The following PDZD2 variants were observed in gnomAD, a reference collection of about 807,000 sequenced individuals.
The protein encoded by PDZD2 is PDZ domain-containing protein 2.
PDZD2 carries 90 observed loss-of-function variants against 220.7 expected under a neutral mutation model. The observed-to-expected ratio is 0.41, with a 90% CI of 0.34 to 0.49. The LOEUF is 0.49. Among genes scored for constraint, PDZD2 ranks in the 20% least tolerant of loss-of-function variants. The probability of loss-of-function intolerance (pLI) is 0.28; values close to 1 mark genes in which losing one functional copy is unlikely to be tolerated. For missense variants in PDZD2, 3,174 were observed against 3,608.5 expected (o/e 0.88, Z 3.08); for synonymous variants, 1,375 against 1,450.5 (o/e 0.95, Z 1.18).
chr5:31,681,750 G>T (rs186656280), intron 1 of PDZD2, among the ~76,000 whole-genome samples: 1 of 152,244 alleles, frequency 6.6e-6, no homozygotes, highest in African/African-American at 2.4e-5. Context: ...CAAGTTAAAT[G>T]AGAGTTTGAA....
At chr5:31,642,403 C>T (rs572536324) in intron 1 of PDZD2, among the ~76,000 whole-genome samples, 1 of 152,228 alleles carries the variant, frequency 6.6e-6, no homozygotes, top group East Asian at 1.9e-4. Context: ...AGACGCCCAT[C>T]CCCAGAAGGA....
chr5:31,769,026 G>A (rs1752191673), intron 1 of PDZD2, among the ~76,000 whole-genome samples: 1 of 152,222 alleles, frequency 6.6e-6, no homozygotes, highest in Admixed American at 6.5e-5. Flanking sequence ...TGAATGAACT[G>A]AACTACTTAA....
intron 6 of PDZD2, among the ~76,000 whole-genome samples, chr5:32,026,603 A>G (rs1208235899): frequency 1.3e-5 from 2 of 152,304 alleles, no homozygotes; most frequent in Admixed American, 1.3e-4. Flanking sequence ...TGTTTAAAGC[A>G]TATCATAGTC....
At chr5:32,100,695 G>C in intron 23 of PDZD2, 1 of 384,518 alleles carries the variant, frequency 2.6e-6, no homozygotes, top group African/African-American at 2.1e-5. Context: ...AGGATGATCT[G>C]CTGCTGCCAT....
intron 2 of PDZD2, among the ~76,000 whole-genome samples, chr5:31,935,201 A>C (rs1392879571): frequency 2.0e-5 from 3 of 152,224 alleles, no homozygotes; most frequent in Non-Finnish European, 4.4e-5. Flanking sequence ...GTATTGGAAT[A>C]ATAAAATGTC....
chr5:32,009,804 G>A (rs971812523), intron 5 of PDZD2, among the ~76,000 whole-genome samples: 1 of 151,794 alleles, frequency 6.6e-6, no homozygotes, highest in African/African-American at 2.4e-5. Flanking sequence ...GAAACACTGA[G>A]CTAAAGGCTG....
At chr5:32,046,131 A>G (rs1482173685) in intron 7 of PDZD2, among the ~76,000 whole-genome samples, 3 of 152,250 alleles carry the variant, frequency 2.0e-5, no homozygotes, top group Admixed American at 6.5e-5. Context: ...AGCTATATTC[A>G]TATGTAGTTG....
chr5:32,003,336 A>ACACACACACCC (rs1752492929), intron 5 of PDZD2, among the ~76,000 whole-genome samples: 3 of 11,196 alleles, frequency 2.7e-4, no homozygotes, highest in Non-Finnish European at 6.4e-4. Flanking sequence ...CACCCCCACC[A>ACACACACACCC]CACCACACAC....
At chr5:31,640,264 G>A (rs1031843651) in intron 1 of PDZD2, among the ~76,000 whole-genome samples, 2 of 152,214 alleles carry the variant, frequency 1.3e-5, no homozygotes, top group African/African-American at 2.4e-5. Flanking sequence ...CAGAGACCTT[G>A]ATAAGGGACA....
At chr5:31,910,718 C>T (rs1297414313) in intron 2 of PDZD2, among the ~76,000 whole-genome samples, 1 of 150,314 alleles carries the variant, frequency 6.7e-6, no homozygotes, top group East Asian at 2.0e-4. Flanking sequence ...TTAGTAGAGA[C>T]AGGGTTTCAC....
At chr5:32,030,628 A>T (rs1755045874) in intron 6 of PDZD2, among the ~76,000 whole-genome samples, 1 of 152,136 alleles carries the variant, frequency 6.6e-6, no homozygotes, top group Non-Finnish European at 1.5e-5. Context: ...TTTTCCTAAC[A>T]TACTAATCTA....
At chr5:31,991,810 C>T (rs1323626181) in intron 3 of PDZD2, among the ~76,000 whole-genome samples, 1 of 152,152 alleles carries the variant, frequency 6.6e-6, no homozygotes, top group Non-Finnish European at 1.5e-5. Flanking sequence ...GGGCAGATCA[C>T]CAGTGGTCAG....
At chr5:32,096,408 G>T (rs987116888) in intron 21 of PDZD2, among the ~76,000 whole-genome samples, 2 of 151,688 alleles carry the variant, frequency 1.3e-5, no homozygotes, top group African/African-American at 4.8e-5. Flanking sequence ...ACCTCTGCCC[G>T]CTGGGTTCAA....
chr5:31,645,964 T>G (rs939637487), intron 1 of PDZD2, among the ~76,000 whole-genome samples: 35 of 151,196 alleles, frequency 2.3e-4, no homozygotes, highest in African/African-American at 8.5e-4. Context: ...GGTGGGGAAC[T>G]GGGCTGCCTT....
In PDZD2 at chr5:32,000,241, G is replaced by A. The variant is rs749697781; in HGVS notation, c.1224G>A (p.Thr408=). 6.1e-5 allele frequency: 99 copies of A among 1,614,140 alleles called. No individual in the cohort carries two copies. Among genetic ancestry groups the A allele is most frequent in the Admixed American group, 1.0e-4 (6 of 60,024 alleles). The change falls in exon 5 of 25, where the codon ACG becomes ACA. Residue 408 remains threonine, a synonymous_variant. Transcript: ENST00000438447. This position sits in a 1 kb window ranked among gnomAD's most constrained non-coding sequence, Gnocchi z 4.5. ...EEAVAILRSA[T]GMVQLVVASK... is the part of the protein sequence containing the mutation. ...CAGTGGCCATTCTTCGCTCCGCCACGGGAATGGTGCAGCTTGTGGTGGCCA... is the reference window on the plus strand; with the variant it reads ...CAGTGGCCATTCTTCGCTCCGCCACAGGAATGGTGCAGCTTGTGGTGGCCA...
At chr5:31,741,676 T>G (rs889123501) in intron 1 of PDZD2, among the ~76,000 whole-genome samples, 4 of 152,162 alleles carry the variant, frequency 2.6e-5, no homozygotes, top group African/African-American at 9.7e-5. Flanking sequence ...CCACTGCCAG[T>G]TCTAGGCAAA....
At chr5:32,096,420 C>A (rs552391304) in intron 21 of PDZD2, among the ~76,000 whole-genome samples, 8 of 151,936 alleles carry the variant, frequency 5.3e-5, no homozygotes, top group African/African-American at 1.7e-4. Flanking sequence ...TGGGTTCAAG[C>A]GATTCTCCTG....
At chr5:31,836,716 A>T (rs1198000700) in intron 2 of PDZD2, among the ~76,000 whole-genome samples, 1 of 152,104 alleles carries the variant, frequency 6.6e-6, no homozygotes, top group Non-Finnish European at 1.5e-5. Context: ...TCTGTCCAGG[A>T]TTAGTAAAAT....
chr5:31,697,029 A>C (rs534370846), intron 1 of PDZD2, among the ~76,000 whole-genome samples: 3 of 152,352 alleles, frequency 2.0e-5, no homozygotes, highest in African/African-American at 7.2e-5. Context: ...AATTGTGCTC[A>C]TAGGGGCATA....
Sources: allele counts gnomAD v4.1 joint callset (sites outside exome capture counted in the v4.1 genomes callset), GRCh38; gene constraint gnomAD v4.1.1; non-coding constraint Gnocchi (gnomAD v3.1); transcripts MANE v1.5; gene names NCBI Gene and HGNC (gene_info 2026-07-23, HGNC 2026-07-21).